The following CNTNAP2 variants were observed in gnomAD, a reference collection of about 807,000 sequenced individuals.
CNTNAP2 encodes contactin associated protein 2.
A neutral mutation model predicts 155.2 loss-of-function variants in CNTNAP2; 98 were observed. The observed-to-expected ratio is 0.63, with a 90% CI of 0.54 to 0.75. The LOEUF (loss-of-function observed/expected upper bound fraction) is 0.75, where lower values mean the gene tolerates loss of function less well. CNTNAP2 is among the 30% of genes least tolerant of loss of function. CNTNAP2 has a pLI of 0.00. For synonymous variants in CNTNAP2, 651 were observed against 631.2 expected, an observed-to-expected ratio of 1.03 and a Z score of -0.47; for missense variants, 1,727 against 1,688.1, an observed-to-expected ratio of 1.02 and a Z score of -0.40.
At chr7:146,833,600 G>T (rs1440741789) in intron 2 of CNTNAP2, among the ~76,000 whole-genome samples, 2 of 151,902 alleles carry the variant, frequency 1.3e-5, no homozygotes, top group Non-Finnish European at 1.5e-5. Context: ...AACCTCTTTG[G>T]GCATACAGCC....
chr7:147,969,683 A>G (rs975178529), intron 14 of CNTNAP2, among the ~76,000 whole-genome samples: 4 of 152,180 alleles, frequency 2.6e-5, no homozygotes, highest in Non-Finnish European at 4.4e-5. Context: ...CTGAGAACAA[A>G]ATAAATACAA....
chr7:146,185,374 A>G (rs1231305421), intron 1 of CNTNAP2, among the ~76,000 whole-genome samples: 2 of 152,166 alleles, frequency 1.3e-5, no homozygotes, highest in African/African-American at 4.8e-5. Flanking sequence ...CTTTCATCCT[A>G]CCATGGCAAA....
intron 1 of CNTNAP2, among the ~76,000 whole-genome samples, chr7:146,391,311 T>C (rs979426749): frequency 6.6e-6 from 1 of 151,806 alleles, no homozygotes; most frequent in Non-Finnish European, 1.5e-5. Context: ...AAAGCCTTGC[T>C]TTTTGTGCTG....
chr7:147,762,155 T>TCACACACACA (rs72526174), intron 13 of CNTNAP2, among the ~76,000 whole-genome samples: 2,295 of 144,424 alleles, frequency 0.016, 18 homozygotes, highest in Middle Eastern at 0.049. Context: ...TCTCTCTGTC[T>TCACACACACA]CACACACACA....
intron 21 of CNTNAP2, among the ~76,000 whole-genome samples, chr7:148,346,562 A>C (rs553505122): frequency 6.6e-6 from 1 of 151,904 alleles, no homozygotes; most frequent in African/African-American, 2.4e-5. Flanking sequence ...ACCTGAGGTC[A>C]GGAGTTCGAG....
intron 3 of CNTNAP2, among the ~76,000 whole-genome samples, chr7:146,992,729 A>G (rs1295439819): frequency 6.6e-6 from 1 of 152,166 alleles, no homozygotes; most frequent in African/African-American, 2.4e-5. Context: ...AGAACCAACT[A>G]TCTAACATAA....
rs373835539 is a variant in CNTNAP2 at position 147,863,332 on chromosome 7, A to G, written c.2099-40233A>G. Among the ~76,000 whole-genome samples the G allele has an allele frequency of 3.5e-4, 53 of 152,272 alleles. 1 individual carries two copies. The highest frequency in any genetic ancestry group is 1.1e-3 in the African/African-American group (47 of 41,552). On this transcript the variant is annotated intron_variant, in intron 13 of 23. Coordinates refer to ENST00000361727, the MANE Select transcript of CNTNAP2 (RefSeq NM_014141.6). ...ATTTTCTTAATCCAATCTATCATTG[A>G]TGGACATTTGGGTTGGTTCCAAGTC...
intron 15 of CNTNAP2, among the ~76,000 whole-genome samples, chr7:148,057,534 G>T (rs1411556228): frequency 6.6e-6 from 1 of 152,124 alleles, no homozygotes; most frequent in Non-Finnish European, 1.5e-5. Flanking sequence ...AGTGTGAGGT[G>T]ATCTTCAAGT....
intron 13 of CNTNAP2, among the ~76,000 whole-genome samples, chr7:147,751,090 T>A (rs945929543): frequency 4.0e-5 from 6 of 150,756 alleles, no homozygotes; most frequent in Non-Finnish European, 3.0e-5. Context: ...TTAAAAAAAA[T>A]TTCCAGGCTT....
chr7:148,354,609 G>A (rs528537376), intron 21 of CNTNAP2, among the ~76,000 whole-genome samples: 3 of 151,952 alleles, frequency 2.0e-5, no homozygotes, highest in South Asian at 2.1e-4. Flanking sequence ...GTGAGGGGGC[G>A]ACCGGGAGGA....
intron 15 of CNTNAP2, among the ~76,000 whole-genome samples, chr7:148,017,404 G>T (rs192469052): frequency 1.4e-4 from 21 of 152,192 alleles, no homozygotes; most frequent in Non-Finnish European, 2.6e-4. Context: ...ATGAGACTTG[G>T]AATTGTTAAA....
chr7:147,521,669 T>C (rs1457615903), intron 11 of CNTNAP2, among the ~76,000 whole-genome samples: 1 of 152,150 alleles, frequency 6.6e-6, no homozygotes, highest in Admixed American at 6.5e-5. Context: ...TCTGCCTGTC[T>C]TCACTCGCCA....
At chr7:146,552,365 G>A (rs1259310428) in intron 1 of CNTNAP2, among the ~76,000 whole-genome samples, 4 of 151,980 alleles carry the variant, frequency 2.6e-5, no homozygotes, top group Admixed American at 6.6e-5. Context: ...AAATCTTGGT[G>A]CTATCATTGT....
At chr7:147,546,182 A>T (rs1216788203) in intron 11 of CNTNAP2, among the ~76,000 whole-genome samples, 1 of 152,184 alleles carries the variant, frequency 6.6e-6, no homozygotes, top group Non-Finnish European at 1.5e-5. Flanking sequence ...ACCCAGAATC[A>T]TGGTGGGAGG....
intron 13 of CNTNAP2, among the ~76,000 whole-genome samples, chr7:147,891,210 T>C (rs1277958121): frequency 6.8e-6 from 1 of 147,068 alleles, no homozygotes; most frequent in Non-Finnish European, 1.5e-5. Flanking sequence ...CAAATAGATT[T>C]TTTTTTTTTT....
intron 10 of CNTNAP2, among the ~76,000 whole-genome samples, chr7:147,463,544 A>G (rs1411254605): frequency 1.3e-5 from 2 of 152,208 alleles, no homozygotes; most frequent in African/African-American, 4.8e-5. Context: ...TCATGTACCT[A>G]TTAATCCAAT....
chr7:146,714,375 C>T (rs541804709), intron 1 of CNTNAP2, among the ~76,000 whole-genome samples: 60 of 152,304 alleles, frequency 3.9e-4, no homozygotes, highest in African/African-American at 1.4e-3. Flanking sequence ...ACCCTAGAAA[C>T]ACCATACTAT....
At chr7:147,637,079 G>A (rs565805752) in intron 12 of CNTNAP2, among the ~76,000 whole-genome samples, 5 of 152,254 alleles carry the variant, frequency 3.3e-5, no homozygotes, top group South Asian at 2.1e-4. Context: ...GCATAGAGGC[G>A]GGGAGGAGCC....
rs184923155 is a variant in CNTNAP2 at position 147,540,062 on chromosome 7, A to G, written c.1778-22076A>G. On this transcript the variant is annotated intron_variant, in intron 11 of 23. Coordinates refer to ENST00000361727, the MANE Select transcript of CNTNAP2 (RefSeq NM_014141.6). Reference sequence around the variant, plus strand: ...CAAAGGAAATTAGTAATAAAATTTGATCATCTCATTCTGCTTCTTTACACT... The same window carrying G: ...CAAAGGAAATTAGTAATAAAATTTGGTCATCTCATTCTGCTTCTTTACACT... 2.6e-5 allele frequency among the ~76,000 whole-genome samples: 4 copies of G among 152,302 alleles called. No individual in the cohort carries two copies. In the East Asian group the frequency reaches 7.7e-4, roughly 29 times the overall value.
Sources: allele counts gnomAD v4.1 joint callset (sites outside exome capture counted in the v4.1 genomes callset), GRCh38; gene constraint gnomAD v4.1.1; transcripts MANE v1.5; gene names NCBI Gene and HGNC (gene_info 2026-07-23, HGNC 2026-07-21).